ATP1A1: variants seen among roughly 807,000 people sequenced by gnomAD.
ATP1A1 encodes the protein ATPase Na+/K+ transporting subunit alpha 1.
In ATP1A1, 14 loss-of-function variants were observed where a neutral mutation model predicts 114.8. That is an observed-to-expected ratio of 0.12 (90% CI 0.08 to 0.19). ATP1A1 has a LOEUF of 0.19. Ranked by LOEUF, ATP1A1 falls within the 10% of genes least tolerant of loss-of-function variation. The pLI is 1.00. For missense variants in ATP1A1, 524 were observed against 1,290.7 expected (o/e 0.41, Z 9.10); for synonymous variants, 471 against 466.3 (o/e 1.01, Z -0.13).
At chr1:116,376,712 G>GA (rs1468242307) in intron 1 of ATP1A1, among the ~76,000 whole-genome samples, 3 of 152,176 alleles carry the variant, frequency 2.0e-5, no homozygotes, top group African/African-American at 2.4e-5. Flanking sequence ...GTAGGAAAGG[G>GA]AGAGGCCTGC....
chr1:116,391,722 A>G (rs1277881025), intron 10 of ATP1A1, among the ~76,000 whole-genome samples: 1 of 152,188 alleles, frequency 6.6e-6, no homozygotes, highest in African/African-American at 2.4e-5. Context: ...ATTTGAGGAT[A>G]ATGTTGTGTA....
At position 116,393,090 on chromosome 1, in the gene ATP1A1, T is replaced by C; in HGVS notation, c.1467+102T>C. The stretch of plus-strand genomic sequence containing the variant: ...GAAATATTCTCCCTTTGGAGTTTTA[T>C]AAGCTTTAGCTTTAAATTTTGCCCT... On this transcript the variant is annotated intron_variant, in intron 11 of 22. Transcript: ENST00000295598. This position sits in a 1 kb window ranked among gnomAD's most constrained non-coding sequence, Gnocchi z 5.0. The C allele has an allele frequency of 6.6e-7, 1 of 1,514,150 alleles. No individual in the cohort carries two copies. Among genetic ancestry groups the C allele is most frequent in the African/African-American group, 1.4e-5 (1 of 72,218 alleles). The allele number at this position is 1,514,150 out of a possible 1,614,324, so 93.8% of individuals were successfully genotyped here.
At chr1:116,396,112 G>A (rs1279630396) in intron 13 of ATP1A1, among the ~76,000 whole-genome samples, 3 of 151,884 alleles carry the variant, frequency 2.0e-5, no homozygotes, top group South Asian at 2.1e-4. Flanking sequence ...TCACCATTCC[G>A]ACTGCTTCTT....
In ATP1A1 at chr1:116,398,710, C is replaced by T; in HGVS notation, c.2214C>T (p.Gly738=). ...TTGGGGTTGCTATGGGGATTGCTGGCTCAGATGTGTCCAAGCAAGCTGCTG... is the reference window on the plus strand; with the variant it reads ...TTGGGGTTGCTATGGGGATTGCTGGTTCAGATGTGTCCAAGCAAGCTGCTG... ...ADIGVAMGIA[G]SDVSKQAADM... The change falls in exon 16 of 23, where the codon GGC becomes GGT. Residue 738 remains glycine, a synonymous_variant. Transcript: ENST00000295598. The surrounding 1 kb of genome is among the most constrained non-coding windows in gnomAD (Gnocchi z 6.1). The T allele has an allele frequency of 6.2e-7, 1 of 1,614,142 alleles. No homozygotes were observed. The highest frequency in any genetic ancestry group is 8.5e-7 in the Non-Finnish European group (1 of 1,180,018).
At chr1:116,376,588 T>A (rs780028012) in intron 1 of ATP1A1, among the ~76,000 whole-genome samples, 1 of 151,990 alleles carries the variant, frequency 6.6e-6, no homozygotes, top group African/African-American at 2.4e-5. Context: ...TTAGGTTCTT[T>A]CTGTACCCTT....
At chr1:116,376,970 T>G (rs1651414051) in intron 1 of ATP1A1, among the ~76,000 whole-genome samples, 3 of 152,200 alleles carry the variant, frequency 2.0e-5, no homozygotes, top group Non-Finnish European at 4.4e-5. Context: ...GCCAGTACCC[T>G]CAGTCATTGT....
In ATP1A1 at chr1:116,399,373, CTTCCTTATTTTTAGTAACTAAA is replaced by C; in HGVS notation, c.2449-40_2449-19del. 1 of 1,594,944 alleles carries C rather than the reference CTTCCTTATTTTTAGTAACTAAA, an allele frequency of 6.3e-7. No individual in the cohort carries two copies. The highest frequency in any genetic ancestry group is 8.5e-7 in the Non-Finnish European group (1 of 1,171,844). On this transcript the variant is annotated intron_variant, in intron 17 of 22. Transcript: ENST00000295598. The surrounding 1 kb of genome is among the most constrained non-coding windows in gnomAD (Gnocchi z 5.0). ...TATAACAAAAGGTTCACAATATTAG[CTTCCTTATTTTTAGTAACTAAA>C]TTCCTTCTCCCCACCCCTTCCCAGG...
In ATP1A1 at chr1:116,389,938, T is replaced by C. The variant is rs114625458; in HGVS notation, c.1023+231T>C. On this transcript the variant is annotated intron_variant, in intron 8 of 22. Transcript: ENST00000295598. The surrounding 1 kb of genome is among the most constrained non-coding windows in gnomAD (Gnocchi z 6.9). The stretch of plus-strand genomic sequence containing the variant: ...ATTTTGCTTTTAAATTATCACGTGG[T>C]CCTGAACAGTGCAGTGGAGAAAGGA... 0.011 allele frequency: 8,193 copies of C among 733,364 alleles called. 484 individuals are homozygous for C. In the African/African-American group the frequency reaches 0.13, roughly 12 times the overall value. 45.4% of individuals were successfully genotyped at this position (733,364 alleles called of 1,614,324 possible). A position where few individuals can be genotyped will look rare whatever the true frequency, so the allele number is the denominator to read the frequency against.
rs955707132 is a variant in ATP1A1 at position 116,404,717 on chromosome 1, T to C, written c.*273T>C. 2 of 1,250,520 alleles carry C rather than the reference T, an allele frequency of 1.6e-6. No homozygotes were observed. Among genetic ancestry groups the C allele is most frequent in the Non-Finnish European group, 2.0e-6 (2 of 1,000,304 alleles). 77.5% of individuals were successfully genotyped at this position (1,250,520 alleles called of 1,614,324 possible). A position where few individuals can be genotyped will look rare whatever the true frequency, so the allele number is the denominator to read the frequency against. ...GTAAAAAAGGAACACCCGGAAAGAC[T>C]GAAAGAATACATTTTATATCTGGAT... On this transcript the variant is annotated 3_prime_UTR_variant, in exon 23 of 23. Transcript: ENST00000295598. This position sits in a 1 kb window ranked among gnomAD's most constrained non-coding sequence, Gnocchi z 4.8.
At position 116,390,373 on chromosome 1, in the gene ATP1A1, A is replaced by G. The variant is rs138556439; in HGVS notation, c.1184A>G (p.Asn395Ser). The change falls in exon 9 of 23, where the codon AAT (asparagine) becomes AGT (serine). Residue 395 changes from asparagine (N) to serine (S), a missense_variant. Asn to Ser is a conservative substitution (Grantham distance 46, BLOSUM62 1). This residue lies in a region of ATP1A1 where 143 missense variants were observed against 259.3 expected (regional missense o/e 0.55). Transcript: ENST00000295598. ...ACAGTGGCCCACATGTGGTTTGACA[A>G]TCAAATCCATGAAGCTGATACGACA... ...RMTVAHMWFD[N>S]QIHEADTTEN... is the part of the protein sequence containing the mutation. The G allele has an allele frequency of 3.7e-5, 60 of 1,614,168 alleles. No individual in the cohort carries two copies. The African/African-American group carries it at 4.1e-4, about 11-fold the overall frequency.
chr1:116,381,784 T>C lies in ATP1A1; in HGVS notation c.13-2230T>C, dbSNP rs1315420404. Among the ~76,000 whole-genome samples the C allele has an allele frequency of 6.6e-6, 1 of 152,248 alleles. No individual in the cohort carries two copies. The highest frequency in any genetic ancestry group is 1.5e-5 in the Non-Finnish European group (1 of 68,042). ...TGGAAGTCTGAGAATAAGCAAAGCA[T>C]GCAGATTATGAAGCTGAGGGGTTAT... is the stretch of plus-strand genomic sequence containing the variant. On this transcript the variant is annotated intron_variant, in intron 1 of 22. Coordinates refer to ENST00000295598, the MANE Select transcript of ATP1A1 (RefSeq NM_000701.8). This position sits in a 1 kb window ranked among gnomAD's most constrained non-coding sequence, Gnocchi z 5.1.
In ATP1A1 at chr1:116,384,182, C is replaced by A; in HGVS notation, c.123+58C>A. Reference sequence around the variant, plus strand: ...TTATTAAAAATCCATGATTTTTAATCCCCCAGGCCTCACTGTATTCTTCAA... The same window carrying A: ...TTATTAAAAATCCATGATTTTTAATACCCCAGGCCTCACTGTATTCTTCAA... On this transcript the variant is annotated intron_variant, in intron 2 of 22. Transcript: ENST00000295598. The surrounding 1 kb of genome is among the most constrained non-coding windows in gnomAD (Gnocchi z 5.1). The A allele has an allele frequency of 1.4e-6, 2 of 1,391,024 alleles. No homozygotes were observed. Among genetic ancestry groups the A allele is most frequent in the Non-Finnish European group, 2.0e-6 (2 of 991,162 alleles). The allele number at this position is 1,391,024 out of a possible 1,614,324, so 86.2% of individuals were successfully genotyped here. A position where few individuals can be genotyped will look rare whatever the true frequency, so the allele number is the denominator to read the frequency against.
In ATP1A1 at chr1:116,384,915, A is replaced by T. The variant is rs781505918; in HGVS notation, c.183+73A>T. 7.0e-7 allele frequency: 1 copy of T among 1,430,438 alleles called. No homozygotes were observed. The highest frequency in any genetic ancestry group is 2.3e-5 in the East Asian group (1 of 43,890). The allele number at this position is 1,430,438 out of a possible 1,614,324, so 88.6% of individuals were successfully genotyped here. A position where few individuals can be genotyped will look rare whatever the true frequency, so the allele number is the denominator to read the frequency against. On this transcript the variant is annotated intron_variant, in intron 3 of 22. Coordinates refer to ENST00000295598, the MANE Select transcript of ATP1A1 (RefSeq NM_000701.8). This position sits in a 1 kb window ranked among gnomAD's most constrained non-coding sequence, Gnocchi z 5.1. ...TTATATTTTCCCCTGTATTACATAC[A>T]GGTCTAACCTCAGGGGCTCTAGTAA...
chr1:116,374,257 C>T, intron 1 of ATP1A1: 1 of 1,551,706 alleles, frequency 6.4e-7, no homozygotes, highest in Non-Finnish European at 8.7e-7. Flanking sequence ...CTTTTGAGGG[C>T]TTTCTTGGGC....
intron 12 of ATP1A1, among the ~76,000 whole-genome samples, chr1:116,394,576 T>C (rs1652751373): frequency 6.6e-6 from 1 of 152,094 alleles, no homozygotes; most frequent in Non-Finnish European, 1.5e-5. Context: ...TTGATTCTTG[T>C]ATTTACTATA....
intron 1 of ATP1A1, among the ~76,000 whole-genome samples, chr1:116,377,349 A>G (rs767278205): frequency 2.0e-5 from 3 of 152,234 alleles, no homozygotes; most frequent in Non-Finnish European, 4.4e-5. Flanking sequence ...TCAAATCTTT[A>G]CAGACTGGGT....
chr1:116,396,560 T>G, intron 13 of ATP1A1, 38 bp from the exon 14 acceptor site: 3 of 1,610,732 alleles, frequency 1.9e-6, no homozygotes, highest in Non-Finnish European at 2.5e-6. Context: ...GTCATTTACT[T>G]GGCAGTTGCA....
chr1:116,404,290 G>A lies in ATP1A1; in HGVS notation c.3044-126G>A. The A allele has an allele frequency of 1.7e-6, 2 of 1,174,780 alleles. No individual in the cohort carries two copies. The highest frequency in any genetic ancestry group is 5.0e-5 in the East Asian group (2 of 40,034). 72.8% of individuals were successfully genotyped at this position (1,174,780 alleles called of 1,614,324 possible). On this transcript the variant is annotated intron_variant, in intron 22 of 22. Coordinates refer to ENST00000295598, the MANE Select transcript of ATP1A1 (RefSeq NM_000701.8). The surrounding 1 kb of genome is among the most constrained non-coding windows in gnomAD (Gnocchi z 4.8). ...TAAATAAGTACAGTTGAGGTCCCATGTTTGGATTTTAACACACCCGACCCC... is the reference window on the plus strand; with the variant it reads ...TAAATAAGTACAGTTGAGGTCCCATATTTGGATTTTAACACACCCGACCCC...
chr1:116,376,431 C>T (rs1027084365), intron 1 of ATP1A1, among the ~76,000 whole-genome samples: 7 of 152,158 alleles, frequency 4.6e-5, no homozygotes, highest in African/African-American at 1.7e-4. Flanking sequence ...AGGCAGATGC[C>T]TCAGAGTGGA....
Sources: allele counts gnomAD v4.1 joint callset (sites outside exome capture counted in the v4.1 genomes callset), GRCh38; gene constraint gnomAD v4.1.1; regional missense constraint gnomAD v4.1.1; non-coding constraint Gnocchi (gnomAD v3.1); transcripts MANE v1.5; gene names NCBI Gene and HGNC (gene_info 2026-07-23, HGNC 2026-07-21).